TCF4: variants seen among roughly 807,000 people sequenced by gnomAD.
TCF4 encodes transcription factor 4.
Under a neutral mutation model 82.1 loss-of-function variants are expected in TCF4, and 3 were observed. The observed-to-expected ratio is 0.04, with a 90% CI of 0.02 to 0.09. The LOEUF is 0.09. Ranked by LOEUF, TCF4 falls within the 10% of genes least tolerant of loss-of-function variation. TCF4 has a pLI of 1.00. For missense variants in TCF4, 518 were observed against 852.7 expected (o/e 0.61, Z 4.89); for synonymous variants, 276 against 309.6 (o/e 0.89, Z 1.14).
chr18:55,618,752 ATTTT>A (rs35018085), intron 2 of TCF4, among the ~76,000 whole-genome samples: 69,573 of 147,654 alleles, frequency 0.47, 17,392 homozygotes, highest in Admixed American at 0.64. Flanking sequence ...TGGCTAATTA[ATTTT>A]TTTTTTTTTT....
At chr18:55,519,901 TA>T (rs902168322) in intron 3 of TCF4, among the ~76,000 whole-genome samples, 3 of 152,170 alleles carry the variant, frequency 2.0e-5, no homozygotes, top group African/African-American at 7.2e-5. Flanking sequence ...TAAATGATTC[TA>T]AAAAGAAGAA....
chr18:55,577,778 G>T (rs974833990), intron 3 of TCF4, among the ~76,000 whole-genome samples: 5 of 152,060 alleles, frequency 3.3e-5, no homozygotes, highest in African/African-American at 1.2e-4. Context: ...ACATTCTAAG[G>T]GGTATCCTGT....
At chr18:55,278,091 T>G (rs1347450154) in intron 9 of TCF4, among the ~76,000 whole-genome samples, 1 of 152,170 alleles carries the variant, frequency 6.6e-6, no homozygotes, top group African/African-American at 2.4e-5. Context: ...CCATCCAATT[T>G]TATAGATTTC....
At chr18:55,444,348 T>C (rs1006084217) in intron 5 of TCF4, among the ~76,000 whole-genome samples, 1 of 152,174 alleles carries the variant, frequency 6.6e-6, no homozygotes, top group African/African-American at 2.4e-5. Flanking sequence ...TCAAACCAGA[T>C]CTGGAATACT....
intron 3 of TCF4, among the ~76,000 whole-genome samples, chr18:55,543,952 T>C (rs1373614750): frequency 6.6e-6 from 1 of 152,164 alleles, no homozygotes; most frequent in African/African-American, 2.4e-5. Flanking sequence ...TTTCCCATAA[T>C]GTTGGCATAT....
intron 8 of TCF4, among the ~76,000 whole-genome samples, chr18:55,324,091 G>C (rs901860961): frequency 2.0e-5 from 3 of 152,028 alleles, no homozygotes; most frequent in Non-Finnish European, 4.4e-5. Flanking sequence ...TTTTTAATCT[G>C]ATGAGGTGAA....
intron 8 of TCF4, chr18:55,302,426 C>G (rs1202677796): frequency 6.5e-7 from 1 of 1,536,168 alleles, no homozygotes; most frequent in African/African-American, 1.4e-5. Flanking sequence ...CTCTGCTTTC[C>G]CTTCGTGGTC....
At chr18:55,340,171 A>G (rs1345060374) in intron 8 of TCF4, among the ~76,000 whole-genome samples, 1 of 152,182 alleles carries the variant, frequency 6.6e-6, no homozygotes, top group Non-Finnish European at 1.5e-5. Context: ...AAAAGCACGT[A>G]TCTCCTTATC....
chr18:55,257,399 T>C lies in TCF4; in HGVS notation c.1070-8A>G. On this transcript the variant is annotated splice_region_variant and splice_polypyrimidine_tract_variant and intron_variant, in intron 13 of 19. Transcript: ENST00000354452. ...ACCAAACAGCTGTGCCTGCTGATAT[T>C]AAAGTGGGAATTACAATCAGATCTA... 6.2e-7 allele frequency: 1 copy of C among 1,613,460 alleles called. No homozygotes were observed. The highest frequency in any genetic ancestry group is 8.5e-7 in the Non-Finnish European group (1 of 1,179,522).
chr18:55,388,027 C>T (rs1046441704), intron 6 of TCF4, among the ~76,000 whole-genome samples: 1 of 152,186 alleles, frequency 6.6e-6, no homozygotes, highest in Admixed American at 6.5e-5. Context: ...CAAAGCGGCA[C>T]TGGATGCCAG....
chr18:55,612,969 T>A (rs939388442), intron 2 of TCF4, among the ~76,000 whole-genome samples: 1 of 151,980 alleles, frequency 6.6e-6, no homozygotes, highest in Non-Finnish European at 1.5e-5. Context: ...ATATATTGTT[T>A]AGTACTGAAG....
intron 8 of TCF4, among the ~76,000 whole-genome samples, chr18:55,337,708 C>T (rs1039621037): frequency 2.0e-5 from 3 of 152,102 alleles, no homozygotes; most frequent in African/African-American, 7.2e-5. Flanking sequence ...CTTTGGGTGT[C>T]TGTATACAAG....
At chr18:55,604,451 G>T (rs1287701954) in intron 2 of TCF4, among the ~76,000 whole-genome samples, 1 of 152,126 alleles carries the variant, frequency 6.6e-6, no homozygotes, top group African/African-American at 2.4e-5. Flanking sequence ...TTACGGAAGG[G>T]TTAAGAAAGG....
chr18:55,585,766 G>C (rs2097638027), intron 2 of TCF4: 14 of 1,099,738 alleles, frequency 1.3e-5, no homozygotes, highest in Non-Finnish European at 1.6e-5. Flanking sequence ...TCTCGTATAG[G>C]ATTTGCCTGT....
At chr18:55,544,439 C>T (rs1161344066) in intron 3 of TCF4, among the ~76,000 whole-genome samples, 1 of 152,122 alleles carries the variant, frequency 6.6e-6, no homozygotes, top group Non-Finnish European at 1.5e-5. Context: ...GACTCCCCTG[C>T]TCTTTAAGGA....
chr18:55,383,940 A>T (rs1208273542), intron 6 of TCF4: 1 of 152,240 alleles, frequency 6.6e-6, no homozygotes, highest in Non-Finnish European at 1.5e-5. Flanking sequence ...CCAAGTGCTC[A>T]GATGAACTGA....
intron 8 of TCF4, among the ~76,000 whole-genome samples, chr18:55,300,761 C>T (rs759723310): frequency 7.2e-5 from 11 of 152,026 alleles, no homozygotes; most frequent in Non-Finnish European, 1.2e-4. Flanking sequence ...CCCTGCTTGG[C>T]CCCTTGAGAG....
intron 5 of TCF4, among the ~76,000 whole-genome samples, chr18:55,458,764 TA>T (rs1176541194): frequency 6.6e-6 from 1 of 152,154 alleles, no homozygotes; most frequent in Admixed American, 6.5e-5. Context: ...TCAATTCTCT[TA>T]AAAAAATTAT....
intron 3 of TCF4, among the ~76,000 whole-genome samples, chr18:55,564,032 G>A (rs563471769): frequency 9.9e-5 from 15 of 152,272 alleles, no homozygotes; most frequent in South Asian, 4.1e-4. Flanking sequence ...AATTCAGCAC[G>A]CACTGAACCA....
Sources: gnomAD v4.1 joint callset for allele counts (sites outside exome capture counted in the v4.1 genomes callset) on GRCh38, gnomAD v4.1.1 for gene constraint, MANE v1.5 for transcripts, NCBI Gene and HGNC (gene_info 2026-07-23, HGNC 2026-07-21) for gene names.